AATF: variants seen among roughly 807,000 people sequenced by gnomAD.
The protein encoded by AATF is apoptosis antagonizing transcription factor.
Under a neutral mutation model 63.7 loss-of-function variants are expected in AATF, and 48 were observed. The ratio of observed to expected loss-of-function variants is 0.75; its 90% CI spans 0.60 to 0.96. The LOEUF (loss-of-function observed/expected upper bound fraction) is 0.96. AATF is among the 40% of genes least tolerant of loss of function. The probability of loss-of-function intolerance (pLI) is 0.00; values close to 1 mark genes in which losing one functional copy is unlikely to be tolerated. For synonymous variants in AATF, 258 were observed against 247.7 expected, an observed-to-expected ratio of 1.04 and a Z score of -0.39; for missense variants, 639 against 685.7, an observed-to-expected ratio of 0.93 and a Z score of 0.76.
At chr17:37,020,482 C>T (rs982942890) in intron 9 of AATF, among the ~76,000 whole-genome samples, 4 of 152,028 alleles carry the variant, frequency 2.6e-5, no homozygotes, top group Non-Finnish European at 4.4e-5. Flanking sequence ...TAAAAATTAG[C>T]AAAAATTGGA....
At chr17:36,977,144 C>T (rs1054770852) in intron 4 of AATF, among the ~76,000 whole-genome samples, 2 of 152,166 alleles carry the variant, frequency 1.3e-5, no homozygotes, top group African/African-American at 4.8e-5. Context: ...GTAGTGTGAT[C>T]ATATTCTGCC....
At chr17:36,966,174 T>C (rs921432949) in intron 4 of AATF, among the ~76,000 whole-genome samples, 2 of 152,230 alleles carry the variant, frequency 1.3e-5, no homozygotes, top group African/African-American at 4.8e-5. Flanking sequence ...GATTTTACCA[T>C]GTTTATGTTC....
At chr17:37,047,449 G>A (rs769589764) in intron 11 of AATF, among the ~76,000 whole-genome samples, 4 of 152,176 alleles carry the variant, frequency 2.6e-5, no homozygotes, top group Non-Finnish European at 5.9e-5. Context: ...AAGCACAAGT[G>A]AGAAGAAAAC....
intron 11 of AATF, among the ~76,000 whole-genome samples, chr17:37,041,095 G>A (rs2071635109): frequency 6.6e-6 from 1 of 152,096 alleles, no homozygotes; most frequent in South Asian, 2.1e-4. Flanking sequence ...GCTATTGAGG[G>A]TAGAACATTA....
At chr17:36,997,005 T>G (rs2071259642) in intron 8 of AATF, among the ~76,000 whole-genome samples, 1 of 152,212 alleles carries the variant, frequency 6.6e-6, no homozygotes, top group Admixed American at 6.5e-5. Context: ...AAGAAACTTT[T>G]TCAAACACAA....
intron 4 of AATF, among the ~76,000 whole-genome samples, chr17:36,972,331 G>A (rs2071045704): frequency 6.6e-6 from 1 of 152,194 alleles, no homozygotes; most frequent in Admixed American, 6.5e-5. Context: ...TTTGATAAGT[G>A]ATATAATGTG....
intron 8 of AATF, among the ~76,000 whole-genome samples, chr17:37,007,706 A>G (rs2071352934): frequency 6.6e-6 from 1 of 152,176 alleles, no homozygotes; most frequent in Non-Finnish European, 1.5e-5. Flanking sequence ...TAATAGTTTC[A>G]GGGAATTAGA....
intron 8 of AATF, among the ~76,000 whole-genome samples, chr17:37,001,437 AAGGAAGGAAGGAAGGAAG>A (rs2071296012): frequency 3.8e-5 from 5 of 131,730 alleles, no homozygotes; most frequent in African/African-American, 1.2e-4. Flanking sequence ...GGAAGGAAGG[AAGGAAGGAAGGAAGGAAG>A]AAAAAAAAAA....
chr17:37,017,278 A>C (rs2071435808), intron 8 of AATF, among the ~76,000 whole-genome samples: 1 of 152,116 alleles, frequency 6.6e-6, no homozygotes, highest in South Asian at 2.1e-4. Context: ...AAATGCAGTT[A>C]TTCCATTATT....
intron 8 of AATF, among the ~76,000 whole-genome samples, chr17:37,003,686 C>T (rs1394988952): frequency 1.3e-5 from 2 of 150,018 alleles, no homozygotes; most frequent in Non-Finnish European, 3.0e-5. Context: ...AGGCTGGTCT[C>T]ACACTCCTGA....
intron 4 of AATF, among the ~76,000 whole-genome samples, chr17:36,969,006 G>A (rs545938756): frequency 2.1e-4 from 32 of 151,926 alleles, no homozygotes; most frequent in Non-Finnish European, 4.0e-4. Context: ...TTTTGCTTTC[G>A]CTTTAACTCC....
At chr17:37,028,219 C>G (rs1053411499) in intron 10 of AATF, among the ~76,000 whole-genome samples, 1 of 151,808 alleles carries the variant, frequency 6.6e-6, no homozygotes, top group Non-Finnish European at 1.5e-5. Context: ...TGAGACCAGC[C>G]TGGACAACAT....
intron 11 of AATF, chr17:37,045,744 A>C (rs1039289276): frequency 6.6e-6 from 1 of 152,258 alleles, no homozygotes; most frequent in Admixed American, 6.5e-5. Flanking sequence ...TGCACTTAGC[A>C]GTCAGGCTTT....
chr17:36,958,346 T>A lies in AATF; in HGVS notation c.832+4439T>A, dbSNP rs567938514. 1.1e-4 allele frequency among the ~76,000 whole-genome samples: 17 copies of A among 152,152 alleles called. No homozygotes were observed. The South Asian group carries it at 3.3e-3, about 30-fold the overall frequency. ...CCCGGCTAATTTTTGTAATTTTTTT[T>A]AGTAGAGATGGGGTTTCACCATGTT... On this transcript the variant is annotated intron_variant, in intron 4 of 11. Coordinates refer to ENST00000619387, the MANE Select transcript of AATF (RefSeq NM_012138.4).
chr17:36,985,658 C>T (rs2071163192), intron 4 of AATF, among the ~76,000 whole-genome samples: 1 of 152,024 alleles, frequency 6.6e-6, no homozygotes, highest in Non-Finnish European at 1.5e-5. Context: ...ATTCTCCAGC[C>T]TCAGCCTCCC....
rs115138003 is a variant in AATF, at chr17:37,015,707, C to A, written c.1399-3298C>A. On this transcript the variant is annotated intron_variant, in intron 8 of 11. Transcript: ENST00000619387. Reference sequence around the variant, plus strand: ...AAATCTAATTTTGGGGGTGGGAGGGCAGACACCATTCAGTTTCTTCCAGAA... The same window carrying A: ...AAATCTAATTTTGGGGGTGGGAGGGAAGACACCATTCAGTTTCTTCCAGAA... Among the ~76,000 whole-genome samples, 664 of 152,234 alleles carry A rather than the reference C, an allele frequency of 4.4e-3. 1 individual carries two copies. The highest frequency in any genetic ancestry group is 0.015 in the African/African-American group (625 of 41,528).
chr17:36,985,474 G>A (rs1281579180), intron 4 of AATF, among the ~76,000 whole-genome samples: 3 of 150,786 alleles, frequency 2.0e-5, no homozygotes, highest in Non-Finnish European at 1.5e-5. Flanking sequence ...TTAGAGCCGG[G>A]GTCTCACTGT....
rs185708218 is a variant in AATF, at chr17:37,025,747, G to A, written c.1547+4733G>A. ...ATCTTGATTAGTTTGTTTCATAAAA[G>A]CCTTTTGGAATCCAGTTGTAAAGGG... On this transcript the variant is annotated intron_variant, in intron 10 of 11. Coordinates refer to ENST00000619387, the MANE Select transcript of AATF (RefSeq NM_012138.4). 4.6e-5 allele frequency among the ~76,000 whole-genome samples: 7 copies of A among 152,252 alleles called. No homozygotes were observed. In the East Asian group the frequency reaches 1.4e-3, roughly 29 times the overall value.
chr17:36,949,243 T>A, intron 1 of AATF, 27 bp downstream of exon 1: 1 of 1,565,098 alleles, frequency 6.4e-7, no homozygotes, highest in Non-Finnish European at 8.6e-7. Context: ...GCAGGCCACG[T>A]GCGGAGCGGT....
Sources: gnomAD v4.1 joint callset for allele counts (sites outside exome capture counted in the v4.1 genomes callset) on GRCh38, gnomAD v4.1.1 for gene constraint, MANE v1.5 for transcripts, NCBI Gene and HGNC (gene_info 2026-07-23, HGNC 2026-07-21) for gene names.